The following BCL2L13 variants were observed in gnomAD, a reference collection of about 807,000 sequenced individuals.
BCL2L13 encodes the protein BCL2 like 13.
Under a neutral mutation model 25.8 loss-of-function variants are expected in BCL2L13, and 13 were observed. The observed-to-expected ratio is 0.50, with a 90% CI of 0.33 to 0.80. The LOEUF (loss-of-function observed/expected upper bound fraction) is 0.80. Among genes scored for constraint, BCL2L13 ranks in the 30% least tolerant of loss-of-function variants. The pLI, the probability that BCL2L13 is intolerant of heterozygous loss-of-function variation, is 0.02. For missense variants in BCL2L13, 504 were observed against 574.9 expected, an observed-to-expected ratio of 0.88 and a Z score of 1.26; for synonymous variants, 244 against 230.3, an observed-to-expected ratio of 1.06 and a Z score of -0.54.
chr22:17,685,704 A>G (rs904828001), intron 3 of BCL2L13, among the ~76,000 whole-genome samples: 2 of 147,002 alleles, frequency 1.4e-5, no homozygotes, highest in African/African-American at 5.0e-5. Context: ...GCTGCTGTGA[A>G]TATTCTTGTG....
chr22:17,637,145 G>A (rs577727696), upstream of BCL2L13, among the ~76,000 whole-genome samples: 227 of 151,974 alleles, frequency 1.5e-3, 1 homozygote, highest in African/African-American at 5.0e-3. Flanking sequence ...GGTGGCTCAC[G>A]TCTGTAATCC....
intron 1 of BCL2L13, among the ~76,000 whole-genome samples, chr22:17,650,957 G>T (rs139314032): frequency 6.8e-6 from 1 of 147,982 alleles, no homozygotes; most frequent in Non-Finnish European, 1.5e-5. Context: ...GGGATTACAG[G>T]TGTGAGCCAC....
At chr22:17,631,706 A>ATTTTTTTT (rs71201849) in intron 1 of BCL2L13, among the ~76,000 whole-genome samples, 2 of 10,930 alleles carry the variant, frequency 1.8e-4, no homozygotes, top group Non-Finnish European at 1.7e-4. Context: ...ATATATATAT[A>ATTTTTTTT]TTTTTTTTTT....
chr22:17,631,666 GTGTGTATATATATATATATA>G lies in BCL2L13; in HGVS notation c.-650+2663_-650+2682del, dbSNP rs1335250996. Among the ~76,000 whole-genome samples, 6 of 21,422 alleles carry G rather than the reference GTGTGTATATATATATATATA, an allele frequency of 2.8e-4. 1 individual carries two copies. Among genetic ancestry groups the G allele is most frequent in the African/African-American group, 6.7e-4 (4 of 5,978 alleles). The allele number at this position is 21,422 out of a possible 152,430, so 14.1% of individuals were successfully genotyped here. A position where few individuals can be genotyped will look rare whatever the true frequency, so the allele number is the denominator to read the frequency against. On this transcript the variant is annotated intron_variant, in intron 1 of 6. Transcript: ENST00000399782. ...GGTACGTGTGTGTATGTATGTGTGTGTGTGTATATATATATATATATATATATATATATATATATATTTTT... is the reference window on the plus strand; with the variant it reads ...GGTACGTGTGTGTATGTATGTGTGTGTATATATATATATATATATATTTTT...
chr22:17,721,933 T>TAC (rs968129313), intron 6 of BCL2L13, among the ~76,000 whole-genome samples: 8 of 152,236 alleles, frequency 5.3e-5, no homozygotes, highest in Admixed American at 5.2e-4. Context: ...GTGCTGGGAT[T>TAC]ACAGGCATGA....
rs1555897108 is a variant in BCL2L13, at chr22:17,719,846, A to AAAAAAAAC, written c.601-6827_601-6826insAAACAAAA. On this transcript the variant is annotated intron_variant, in intron 6 of 6. Transcript: ENST00000317582. ...CCATCTCAAAAAAAAAAAAAAAAAA[A>AAAAAAAAC]AAAAGAATGAAGTATGGATACATGC... Among the ~76,000 whole-genome samples the AAAAAAAAC allele has an allele frequency of 1.8e-4, 23 of 129,148 alleles. 2 individuals are homozygous for AAAAAAAAC. Among genetic ancestry groups the AAAAAAAAC allele is most frequent in the Admixed American group, 3.5e-4 (4 of 11,320 alleles). 84.7% of individuals were successfully genotyped at this position (129,148 alleles called of 152,430 possible). A position where few individuals can be genotyped will look rare whatever the true frequency, so the allele number is the denominator to read the frequency against.
At position 17,728,993 on chromosome 22, in the gene BCL2L13, A is replaced by G. The variant is rs1166464307; in HGVS notation, c.*1459A>G. 1.3e-5 allele frequency: 2 copies of G among 152,198 alleles called. No homozygotes were observed. The allele number at this position is 152,198 out of a possible 1,614,324, so 9.4% of individuals were successfully genotyped here. ...AGGAAGGGCAGACCCGTGTCTTTCC[A>G]TGCCCGAGGGCCACGACGTCACTAT... On this transcript the variant is annotated 3_prime_UTR_variant, in exon 7 of 7. Transcript: ENST00000317582.
At chr22:17,651,056 C>T (rs1005523488) in intron 1 of BCL2L13, among the ~76,000 whole-genome samples, 17 of 142,938 alleles carry the variant, frequency 1.2e-4, no homozygotes, top group African/African-American at 2.4e-4. Context: ...TGCAGTGGCG[C>T]GATCTCGGCT....
intron 5 of BCL2L13, among the ~76,000 whole-genome samples, chr22:17,697,103 T>G (rs893591783): frequency 1.3e-5 from 2 of 151,622 alleles, no homozygotes; most frequent in Non-Finnish European, 1.5e-5. Context: ...AGCTTTGCCA[T>G]GGACTGGATA....
At chr22:17,707,504 G>A (rs1471781229) in intron 6 of BCL2L13, among the ~76,000 whole-genome samples, 20 of 152,078 alleles carry the variant, frequency 1.3e-4, no homozygotes, top group Admixed American at 1.3e-3. Context: ...TTGTGTCAGT[G>A]GAGCCAAAGA....
At chr22:17,693,576 C>T (rs1682335567) in intron 4 of BCL2L13, among the ~76,000 whole-genome samples, 1 of 151,794 alleles carries the variant, frequency 6.6e-6, no homozygotes, top group Admixed American at 6.6e-5. Flanking sequence ...GACATGGTTT[C>T]ACCAGGTTGG....
intron 1 of BCL2L13, among the ~76,000 whole-genome samples, chr22:17,631,524 T>C (rs1343712180): frequency 6.6e-6 from 1 of 151,168 alleles, no homozygotes; most frequent in Non-Finnish European, 1.5e-5. Context: ...TTTGTCCCTT[T>C]TTTTCAATTT....
intron 2 of BCL2L13, among the ~76,000 whole-genome samples, chr22:17,656,335 CTT>C (rs890631679): frequency 3.4e-3 from 196 of 57,794 alleles, no homozygotes; most frequent in African/African-American, 8.0e-3. Flanking sequence ...TCATTTTATT[CTT>C]TTTTTTTTTT....
intron 1 of BCL2L13, among the ~76,000 whole-genome samples, chr22:17,652,012 C>T (rs1435961146): frequency 1.3e-5 from 2 of 152,056 alleles, no homozygotes; most frequent in Non-Finnish European, 2.9e-5. Context: ...TTATATCCAA[C>T]TGCTTGTTCT....
intron 3 of BCL2L13, among the ~76,000 whole-genome samples, chr22:17,687,818 C>CTTTT (rs368432610): frequency 7.7e-6 from 1 of 130,706 alleles, no homozygotes; most frequent in East Asian, 2.3e-4. Context: ...CACCCGGCCC[C>CTTTT]TTTTTTTTTT....
At chr22:17,707,587 C>CA (rs1281654185) in intron 6 of BCL2L13, among the ~76,000 whole-genome samples, 1 of 152,126 alleles carries the variant, frequency 6.6e-6, no homozygotes, top group African/African-American at 2.4e-5. Flanking sequence ...TCTAAGACTA[C>CA]TTGTAGATGT....
chr22:17,717,508 C>G (rs974398621), intron 6 of BCL2L13, among the ~76,000 whole-genome samples: 1 of 152,008 alleles, frequency 6.6e-6, no homozygotes, highest in Non-Finnish European at 1.5e-5. Context: ...CAGGTGGTCT[C>G]TAATTCCTGG....
At chr22:17,635,892 G>A (rs1347236010), upstream of BCL2L13, among the ~76,000 whole-genome samples, 1 of 150,598 alleles carries the variant, frequency 6.6e-6, no homozygotes, top group African/African-American at 2.4e-5. Context: ...TGTATTTTTA[G>A]TAGAGACGGG....
chr22:17,671,940 C>T (rs1217986041), intron 2 of BCL2L13, among the ~76,000 whole-genome samples: 1 of 152,234 alleles, frequency 6.6e-6, no homozygotes, highest in Non-Finnish European at 1.5e-5. Flanking sequence ...TGTCAAACTC[C>T]TGACCTCAGG....
Sources: gnomAD v4.1 joint callset for allele counts (sites outside exome capture counted in the v4.1 genomes callset) on GRCh38, gnomAD v4.1.1 for gene constraint, MANE v1.5 for transcripts, NCBI Gene and HGNC (gene_info 2026-07-23, HGNC 2026-07-21) for gene names.